STON1: variants seen among roughly 807,000 people sequenced by gnomAD.
The protein encoded by STON1 is stonin-1.
In STON1, 79 loss-of-function variants were observed where a neutral mutation model predicts 60.9. The ratio of observed to expected loss-of-function variants is 1.30; its 90% confidence interval spans 1.08 to 1.56. STON1 has a LOEUF of 1.56. Ranked by LOEUF, STON1 falls within the 40% of genes most tolerant of loss-of-function variation. The pLI, the probability that STON1 is intolerant of heterozygous loss-of-function variation, is 0.00. For missense variants in STON1, 1,166 were observed against 858.9 expected (o/e 1.36, Z -4.47); for synonymous variants, 363 against 306.9 (o/e 1.18, Z -1.91).
rs377020893 is a variant in STON1, at chr2:48,537,420, G to T, written c.-48+7204G>T. Among the ~76,000 whole-genome samples, 26 of 152,250 alleles carry T rather than the reference G, an allele frequency of 1.7e-4. No homozygotes were observed. In the East Asian group the frequency reaches 4.6e-3, roughly 27 times the overall value. ...GATATTACATTGTGATAAGATGAGC[G>T]TATTAATTGTGTTGAAACATGTACA... On this transcript the variant is annotated intron_variant, in intron 1 of 3. Coordinates refer to ENST00000404752, the MANE Select transcript of STON1 (RefSeq NM_006873.4).
intron 1 of STON1, among the ~76,000 whole-genome samples, chr2:48,551,342 A>G (rs1195771197): frequency 6.6e-6 from 1 of 152,150 alleles, no homozygotes; most frequent in Non-Finnish European, 1.5e-5. Context: ...TCATGCCCCA[A>G]TGCTTCCAGG....
intron 1 of STON1, among the ~76,000 whole-genome samples, chr2:48,544,402 C>G (rs1245262111): frequency 1.3e-5 from 2 of 152,134 alleles, no homozygotes; most frequent in East Asian, 3.9e-4. Context: ...ACAGCTATGG[C>G]CCAGAAATTC....
chr2:48,591,605 T>G lies in STON1; in HGVS notation c.1931-48T>G, dbSNP rs1489251808. ...TGCCTTTTATGTTCAAGAGAAATGTTCAATGGCCATTAAAATACTTTGACT... is the reference window on the plus strand; with the variant it reads ...TGCCTTTTATGTTCAAGAGAAATGTGCAATGGCCATTAAAATACTTTGACT... On this transcript the variant is annotated intron_variant, in intron 2 of 3. Coordinates refer to ENST00000404752, the MANE Select transcript of STON1 (RefSeq NM_006873.4). 3 of 1,600,016 alleles carry G rather than the reference T, an allele frequency of 1.9e-6. No individual in the cohort carries two copies. The African/African-American group carries it at 4.0e-5, about 21-fold the overall frequency.
At chr2:48,544,920 T>C (rs1193492208) in intron 1 of STON1, among the ~76,000 whole-genome samples, 2 of 152,194 alleles carry the variant, frequency 1.3e-5, no homozygotes, top group African/African-American at 2.4e-5. Context: ...AGAAAAATTT[T>C]AATCTCAATC....
intron 1 of STON1, among the ~76,000 whole-genome samples, chr2:48,546,293 C>G (rs967856561): frequency 3.9e-5 from 6 of 152,234 alleles, no homozygotes; most frequent in African/African-American, 1.4e-4. Context: ...AGTTCTCTCC[C>G]TGTGTCACCT....
intron 1 of STON1, among the ~76,000 whole-genome samples, chr2:48,543,478 T>C (rs1012910608): frequency 2.6e-5 from 4 of 152,062 alleles, no homozygotes; most frequent in African/African-American, 9.7e-5. Flanking sequence ...TATTTGTTAA[T>C]GCTCCTGCCT....
At chr2:48,548,974 A>AAAATGCCCAGAAGAAAAACTTCTCT (rs1671980961) in intron 1 of STON1, among the ~76,000 whole-genome samples, 1 of 152,184 alleles carries the variant, frequency 6.6e-6, no homozygotes, top group African/African-American at 2.4e-5. Flanking sequence ...TGCCCAGAGA[A>AAAATGCCCAGAAGAAAAACTTCTCT]GTTAGTGACT....
At chr2:48,543,126 T>A (rs1304377640) in intron 1 of STON1, among the ~76,000 whole-genome samples, 1 of 151,740 alleles carries the variant, frequency 6.6e-6, no homozygotes, top group African/African-American at 2.4e-5. Context: ...AGGCACCTGC[T>A]ACCATGCCCA....
intron 1 of STON1, among the ~76,000 whole-genome samples, chr2:48,546,831 G>A (rs1230758347): frequency 1.3e-5 from 2 of 152,150 alleles, no homozygotes; most frequent in African/African-American, 4.8e-5. Context: ...CTCCCAAAAT[G>A]TGGGGATTAC....
chr2:48,559,995 C>T (rs2293274), intron 1 of STON1, among the ~76,000 whole-genome samples: 49,845 of 151,956 alleles, frequency 0.33, 8,313 homozygotes, highest in East Asian at 0.4. Flanking sequence ...GAAGGAATTA[C>T]GTTTTAGGGT....
chr2:48,541,401 C>T (rs1269855253), intron 1 of STON1, among the ~76,000 whole-genome samples: 1 of 141,732 alleles, frequency 7.1e-6, no homozygotes, highest in Admixed American at 7.2e-5. Context: ...ACAGCGAAGT[C>T]GGCCGGGTGC....
At chr2:48,565,893 A>G (rs150248874) in intron 1 of STON1, among the ~76,000 whole-genome samples, 50 of 152,346 alleles carry the variant, frequency 3.3e-4, no homozygotes, top group African/African-American at 1.1e-3. Context: ...TGACATGAAC[A>G]TGGTATGGAT....
chr2:48,559,591 G>A (rs1415249395), intron 1 of STON1, among the ~76,000 whole-genome samples: 6 of 152,170 alleles, frequency 3.9e-5, no homozygotes, highest in South Asian at 4.1e-4. Flanking sequence ...GAGCATAAAC[G>A]TAACTAATGT....
intron 1 of STON1, among the ~76,000 whole-genome samples, chr2:48,551,900 T>C (rs1179429457): frequency 2.0e-5 from 3 of 152,250 alleles, no homozygotes; most frequent in Non-Finnish European, 2.9e-5. Context: ...TGACAAGTGA[T>C]GTTGGGAGCT....
At chr2:48,564,815 C>G (rs1398478882) in intron 1 of STON1, among the ~76,000 whole-genome samples, 1 of 146,642 alleles carries the variant, frequency 6.8e-6, no homozygotes, top group Non-Finnish European at 1.5e-5. Context: ...TCACTGCAAC[C>G]TCTGCCTCCT....
chr2:48,552,916 T>C (rs1420722869), intron 1 of STON1, among the ~76,000 whole-genome samples: 1 of 152,226 alleles, frequency 6.6e-6, no homozygotes, highest in African/African-American at 2.4e-5. Context: ...ATGGGTTGAC[T>C]GGGCTCAGCT....
At chr2:48,559,243 C>A (rs946797782) in intron 1 of STON1, among the ~76,000 whole-genome samples, 2 of 152,046 alleles carry the variant, frequency 1.3e-5, no homozygotes, top group Non-Finnish European at 2.9e-5. Flanking sequence ...TGTCTTACTC[C>A]CTTGAGCTTG....
intron 2 of STON1, among the ~76,000 whole-genome samples, chr2:48,584,528 A>G (rs1674087220): frequency 6.6e-6 from 1 of 152,034 alleles, no homozygotes; most frequent in African/African-American, 2.4e-5. Flanking sequence ...TTGGCCTCCC[A>G]AAGTGTTGGG....
In STON1 at chr2:48,582,313, T is replaced by G; in HGVS notation, c.1680T>G (p.Gly560=). The G allele has an allele frequency of 6.2e-7, 1 of 1,614,242 alleles. No individual in the cohort carries two copies. Among genetic ancestry groups the G allele is most frequent in the East Asian group, 2.2e-5 (1 of 44,884 alleles). Residue 560 remains glycine, a synonymous_variant, in exon 2 of 4, where the codon GGT becomes GGG. Coordinates refer to ENST00000404752, the MANE Select transcript of STON1 (RefSeq NM_006873.4). ...ASLAQRSSYA[G]SLRSCDNIRI... The stretch of plus-strand genomic sequence containing the variant: ...TGGCGCAGAGGTCATCCTATGCTGG[T>G]TCCTTAAGGTCCTGTGACAATATAA...
Sources: gnomAD v4.1 joint callset for allele counts (sites outside exome capture counted in the v4.1 genomes callset) on GRCh38, gnomAD v4.1.1 for gene constraint, MANE v1.5 for transcripts, NCBI Gene and HGNC (gene_info 2026-07-23, HGNC 2026-07-21) for gene names.